The following VWA2 variants were observed in gnomAD, a reference collection of about 807,000 sequenced individuals.
The protein encoded by VWA2 is von Willebrand factor A domain-containing protein 2.
A neutral mutation model predicts 70.4 loss-of-function variants in VWA2; 73 were observed. That is an observed-to-expected ratio of 1.04 (90% CI 0.86 to 1.26). The LOEUF (loss-of-function observed/expected upper bound fraction) is 1.26. Among genes scored for constraint, VWA2 ranks in the 50% most tolerant of loss-of-function variants. VWA2 has a pLI of 0.00. For missense variants in VWA2, 1,011 were observed against 998.5 expected, an observed-to-expected ratio of 1.01 and a Z score of -0.17; for synonymous variants, 407 against 423.3, an observed-to-expected ratio of 0.96 and a Z score of 0.47.
rs986240481 is a variant in VWA2, at chr10:114,244,833, G to A, written c.-10-3871G>A. Among the ~76,000 whole-genome samples, 78 of 152,260 alleles carry A rather than the reference G, an allele frequency of 5.1e-4. 1 individual carries two copies. The highest frequency in any genetic ancestry group is 1.6e-3 in the African/African-American group (66 of 41,472). On this transcript the variant is annotated intron_variant, in intron 1 of 13. Coordinates refer to ENST00000392982, the MANE Select transcript of VWA2 (RefSeq NM_001272046.2). Reference sequence around the variant, plus strand: ...AAAAAGAATGCAGTGAACACAGTGAGTGCAATGATGCCCTGAAAGGGTCCC... The same window carrying A: ...AAAAAGAATGCAGTGAACACAGTGAATGCAATGATGCCCTGAAAGGGTCCC...
At chr10:114,254,774 G>A (rs2037284858) in intron 3 of VWA2, 141 bp from the exon 4 acceptor site, 1 of 1,124,028 alleles carries the variant, frequency 8.9e-7, no homozygotes, top group Non-Finnish European at 1.3e-6. Context: ...CTTCAGAGGA[G>A]GGCTGCTTCT....
intron 3 of VWA2, among the ~76,000 whole-genome samples, chr10:114,254,218 T>C (rs1048964136): frequency 1.2e-4 from 18 of 151,974 alleles, no homozygotes; most frequent in Admixed American, 1.3e-4. Flanking sequence ...ACCATAGGCA[T>C]GCATCACCAC....
intron 5 of VWA2, among the ~76,000 whole-genome samples, chr10:114,268,725 C>A (rs2037631884): frequency 6.8e-6 from 1 of 147,472 alleles, no homozygotes. Context: ...GACGGAGTCT[C>A]GCTCTGTCGC....
intron 1 of VWA2, among the ~76,000 whole-genome samples, chr10:114,244,886 G>T (rs1347439689): frequency 1.3e-5 from 2 of 152,214 alleles, no homozygotes; most frequent in Non-Finnish European, 2.9e-5. Flanking sequence ...AGGTATTCTG[G>T]TGCTTTGTTT....
chr10:114,282,717 G>T, intron 9 of VWA2, 146 bp downstream of exon 9: 1 of 685,936 alleles, frequency 1.5e-6, no homozygotes, highest in Non-Finnish European at 2.6e-6. Context: ...GGGCAGAGGA[G>T]AGTGTGCTCT....
At chr10:114,260,115 G>A (rs2037413265) in intron 4 of VWA2, among the ~76,000 whole-genome samples, 1 of 152,214 alleles carries the variant, frequency 6.6e-6, no homozygotes, top group African/African-American at 2.4e-5. Context: ...TTAGTTTTGA[G>A]AATAGTTACA....
chr10:114,243,126 A>G (rs549250500), intron 1 of VWA2, among the ~76,000 whole-genome samples: 190 of 152,328 alleles, frequency 1.2e-3, no homozygotes, highest in African/African-American at 4.1e-3. Flanking sequence ...TTCAGATATC[A>G]TCCATCAAAA....
At chr10:114,269,782 AGG>A (rs959321015) in intron 5 of VWA2, among the ~76,000 whole-genome samples, 3 of 152,126 alleles carry the variant, frequency 2.0e-5, no homozygotes, top group African/African-American at 7.2e-5. Flanking sequence ...ATGGACCACA[AGG>A]GAGGGGAGGC....
intron 5 of VWA2, among the ~76,000 whole-genome samples, chr10:114,270,646 A>G (rs2133357311): frequency 6.6e-6 from 1 of 152,322 alleles, no homozygotes; most frequent in Admixed American, 6.5e-5. Flanking sequence ...CCCTGGAGGA[A>G]CACTCTTTTT....
At chr10:114,263,196 G>A (rs2037482334) in intron 5 of VWA2, among the ~76,000 whole-genome samples, 1 of 151,722 alleles carries the variant, frequency 6.6e-6, no homozygotes, top group African/African-American at 2.4e-5. Context: ...TTCTATTTTT[G>A]TAGAGATGGG....
At chr10:114,270,637 C>G (rs1223015543) in intron 5 of VWA2, among the ~76,000 whole-genome samples, 1 of 152,104 alleles carries the variant, frequency 6.6e-6, no homozygotes, top group Non-Finnish European at 1.5e-5. Context: ...TCCCAGGAGC[C>G]CTGGAGGAAC....
chr10:114,284,314 C>T (rs2038573699), intron 9 of VWA2, among the ~76,000 whole-genome samples: 1 of 152,158 alleles, frequency 6.6e-6, no homozygotes, highest in Non-Finnish European at 1.5e-5. Context: ...ATTTAATCCT[C>T]ACAATAACCC....
chr10:114,279,775 T>C (rs2037974778), intron 8 of VWA2, among the ~76,000 whole-genome samples: 1 of 152,192 alleles, frequency 6.6e-6, no homozygotes, highest in Non-Finnish European at 1.5e-5. Flanking sequence ...GTACAGTTGC[T>C]GCCCCCAAGG....
At chr10:114,255,560 A>C (rs889963580) in intron 4 of VWA2, among the ~76,000 whole-genome samples, 2 of 152,204 alleles carry the variant, frequency 1.3e-5, no homozygotes, top group African/African-American at 4.8e-5. Context: ...TTGTGTTTGC[A>C]GAACAATGGG....
At chr10:114,245,056 G>T (rs979740102) in intron 1 of VWA2, among the ~76,000 whole-genome samples, 5 of 152,240 alleles carry the variant, frequency 3.3e-5, no homozygotes, top group African/African-American at 1.2e-4. Context: ...TGACAGTAGG[G>T]ATTGTATTGA....
In VWA2 at chr10:114,289,565, C is replaced by T. The variant is rs200698835; in HGVS notation, c.2122+76C>T. The T allele has an allele frequency of 6.1e-5, 93 of 1,532,030 alleles. No homozygotes were observed. In the East Asian group the frequency reaches 1.4e-3, roughly 22 times the overall value. 94.9% of individuals were successfully genotyped at this position (1,532,030 alleles called of 1,614,324 possible). ...GCCTGAGCCTTCACATACATCATGACGAGGATGGCAGCTCTTCCCAGCTAC... is the reference window on the plus strand; with the variant it reads ...GCCTGAGCCTTCACATACATCATGATGAGGATGGCAGCTCTTCCCAGCTAC... On this transcript the variant is annotated intron_variant, in intron 12 of 13. Transcript: ENST00000392982.
intron 8 of VWA2, 21 bp downstream of exon 8, chr10:114,278,872 C>T: frequency 6.2e-7 from 1 of 1,611,542 alleles, no homozygotes; most frequent in East Asian, 2.2e-5. Flanking sequence ...GCGGTCTGGG[C>T]TCGGCCTGGG....
intron 5 of VWA2, among the ~76,000 whole-genome samples, chr10:114,271,149 C>T (rs548093502): frequency 1.5e-4 from 23 of 152,220 alleles, no homozygotes; most frequent in African/African-American, 4.6e-4. Flanking sequence ...GGGATGGGAT[C>T]GTGGTTATAC....
chr10:114,257,089 G>T (rs1189850413), intron 4 of VWA2, among the ~76,000 whole-genome samples: 1 of 151,968 alleles, frequency 6.6e-6, no homozygotes, highest in Non-Finnish European at 1.5e-5. Flanking sequence ...TTTAATGAGG[G>T]CCAGATTTTC....
Sources: gnomAD v4.1 joint callset for allele counts (sites outside exome capture counted in the v4.1 genomes callset) on GRCh38, gnomAD v4.1.1 for gene constraint, MANE v1.5 for transcripts, NCBI Gene and HGNC (gene_info 2026-07-23, HGNC 2026-07-21) for gene names.